The following MALRD1 variants were observed in gnomAD, a reference collection of about 807,000 sequenced individuals.
MALRD1 encodes MAM and LDL receptor class A domain containing 1.
MALRD1 carries 247 observed loss-of-function variants against 242.1 expected under a neutral mutation model. That is an observed-to-expected ratio of 1.02 (90% confidence interval 0.92 to 1.13). The LOEUF (loss-of-function observed/expected upper bound fraction) is 1.13, where lower values mean the gene tolerates loss of function less well. Among genes scored for constraint, MALRD1 ranks in the 50% most tolerant of loss-of-function variants. MALRD1 has a pLI of 0.00. For missense variants in MALRD1, 2,989 were observed against 2,533.1 expected, an observed-to-expected ratio of 1.18 and a Z score of -3.86; for synonymous variants, 995 against 866.6, an observed-to-expected ratio of 1.15 and a Z score of -2.60.
intron 1 of MALRD1, among the ~76,000 whole-genome samples, chr10:19,062,059 G>A (rs931732485): frequency 2.7e-5 from 4 of 149,166 alleles, no homozygotes; most frequent in African/African-American, 1.0e-4. Context: ...TAAAAAGAAC[G>A]ACAGCTCAAC....
At chr10:19,572,928 C>T (rs1020160371) in intron 33 of MALRD1, among the ~76,000 whole-genome samples, 1 of 152,218 alleles carries the variant, frequency 6.6e-6, no homozygotes, top group Non-Finnish European at 1.5e-5. Flanking sequence ...ATTCAGACTT[C>T]TGGCCTCCAC....
At chr10:19,667,715 G>C (rs1415671555) in intron 36 of MALRD1, among the ~76,000 whole-genome samples, 3 of 152,078 alleles carry the variant, frequency 2.0e-5, no homozygotes, top group Non-Finnish European at 4.4e-5. Flanking sequence ...TTCACCAGAA[G>C]CTGAGCAGAT....
In MALRD1 at chr10:19,136,554, T is replaced by C; in HGVS notation, c.1204-20T>C. 1 of 1,209,454 alleles carries C rather than the reference T, an allele frequency of 8.3e-7. No individual in the cohort carries two copies. The highest frequency in any genetic ancestry group is 1.0e-6 in the Non-Finnish European group (1 of 967,536). 74.9% of individuals were successfully genotyped at this position (1,209,454 alleles called of 1,614,324 possible). Reference sequence around the variant, plus strand: ...TTAAGGAGATTGCAAACTCATAAATTAATCTTTTCCTTCCTAAAGATTATT... The same window carrying C: ...TTAAGGAGATTGCAAACTCATAAATCAATCTTTTCCTTCCTAAAGATTATT... On this transcript the variant is annotated intron_variant, in intron 9 of 39. Transcript: ENST00000454679.
intron 11 of MALRD1, among the ~76,000 whole-genome samples, chr10:19,153,725 T>G (rs1834026466): frequency 6.6e-6 from 1 of 151,924 alleles, no homozygotes; most frequent in African/African-American, 2.4e-5. Context: ...TAAATTTAAC[T>G]CAGATGTGGG....
At chr10:19,427,011 G>A (rs576514639) in intron 28 of MALRD1, among the ~76,000 whole-genome samples, 3 of 152,170 alleles carry the variant, frequency 2.0e-5, no homozygotes, top group South Asian at 2.1e-4. Flanking sequence ...GAAGAATGTC[G>A]ATGCTGACAC....
At chr10:19,531,064 A>G (rs1834391250) in intron 31 of MALRD1, 130 bp from the exon 32 acceptor site, 1 of 750,620 alleles carries the variant, frequency 1.3e-6, no homozygotes, top group Non-Finnish European at 2.0e-6. Flanking sequence ...TGACTCCCAA[A>G]ATCAAAATGA....
chr10:19,060,143 T>C (rs1365084115), intron 1 of MALRD1, among the ~76,000 whole-genome samples: 1 of 152,146 alleles, frequency 6.6e-6, no homozygotes, highest in Non-Finnish European at 1.5e-5. Context: ...GTGTCTGGGC[T>C]CTCTTTTGTG....
At position 19,209,580 on chromosome 10, in the gene MALRD1, G is replaced by C. The variant is rs911114582; in HGVS notation, c.2891G>C (p.Trp964Ser). The change falls in exon 18 of 40, where the codon TGG (tryptophan) becomes TCG (serine). Residue 964 changes from tryptophan (W) to serine (S), a missense_variant. By Grantham distance (177) the Trp-to-Ser change is radical (BLOSUM62 -3). Transcript: ENST00000454679. ...AGGTTGGCAATCTACCAACGAATCT[G>C]GAGTGACTCAAGGGGACAGCTGCTG... ...IYRLAIYQRIWSDSRGQLLWQ... is the reference protein window; with the variant it reads ...IYRLAIYQRISSDSRGQLLWQ... 1 of 1,550,890 alleles carries C rather than the reference G, an allele frequency of 6.4e-7. No individual in the cohort carries two copies. The highest frequency in any genetic ancestry group is 8.7e-7 in the Non-Finnish European group (1 of 1,147,056).
intron 36 of MALRD1, among the ~76,000 whole-genome samples, chr10:19,667,516 T>C (rs1457250260): frequency 6.6e-6 from 1 of 152,080 alleles, no homozygotes; most frequent in African/African-American, 2.4e-5. Context: ...GACAGATTCT[T>C]TGTGGCTTGG....
At chr10:19,204,830 A>G in intron 16 of MALRD1, 68 bp from the exon 17 acceptor site, 2 of 1,423,830 alleles carry the variant, frequency 1.4e-6, no homozygotes, top group South Asian at 3.0e-5. Context: ...TGAGTAGAAA[A>G]ATCTAAAGGT....
chr10:19,595,432 C>T lies in MALRD1; in HGVS notation c.5919C>T (p.His1973=). The stretch of plus-strand genomic sequence containing the variant: ...TATGCGATGGAGTGCCCGACTGCCA[C>T]TTTAATGAAGATGAGCTCATCTGCT... The part of the protein sequence containing the change: ...LLLCDGVPDC[H]FNEDELICSN... Residue 1973 remains histidine, a synonymous_variant, in exon 34 of 40, where the codon CAC becomes CAT. Transcript: ENST00000454679. 1.9e-6 allele frequency: 3 copies of T among 1,550,188 alleles called. No individual in the cohort carries two copies. The highest frequency in any genetic ancestry group is 2.4e-5 in the South Asian group (2 of 84,040).
chr10:19,271,198 C>T (rs543957716), intron 19 of MALRD1, among the ~76,000 whole-genome samples: 17 of 152,174 alleles, frequency 1.1e-4, no homozygotes, highest in African/African-American at 3.4e-4. Flanking sequence ...AAATCATTAA[C>T]GGTAGAATGG....
chr10:19,608,101 GC>G (rs1431884863), intron 35 of MALRD1, among the ~76,000 whole-genome samples, 199 bp downstream of exon 35: 1 of 151,958 alleles, frequency 6.6e-6, no homozygotes, highest in Non-Finnish European at 1.5e-5. Flanking sequence ...ATGGGCTCAT[GC>G]TAGTTCTACA....
At chr10:19,423,389 AT>A (rs1833785924) in intron 28 of MALRD1, among the ~76,000 whole-genome samples, 1 of 152,020 alleles carries the variant, frequency 6.6e-6, no homozygotes, top group Non-Finnish European at 1.5e-5. Context: ...GAAGCTTATT[AT>A]TAAATAAATA....
At chr10:19,691,485 T>C (rs1842817980) in intron 36 of MALRD1, among the ~76,000 whole-genome samples, 2 of 152,118 alleles carry the variant, frequency 1.3e-5, no homozygotes, top group South Asian at 2.1e-4. Context: ...TTTTGTAGCA[T>C]GTACTGTGAA....
chr10:19,174,381 A>G (rs752595792), intron 13 of MALRD1, among the ~76,000 whole-genome samples: 1 of 152,164 alleles, frequency 6.6e-6, no homozygotes, highest in African/African-American at 2.4e-5. Context: ...ATTTTGAGAT[A>G]GCATGTTCTG....
At chr10:19,613,386 T>C (rs1838990632) in intron 35 of MALRD1, among the ~76,000 whole-genome samples, 2 of 151,928 alleles carry the variant, frequency 1.3e-5, no homozygotes, top group Non-Finnish European at 2.9e-5. Flanking sequence ...ATCTTAATTC[T>C]CCATAAATCC....
chr10:19,608,521 C>T (rs1838741704), intron 35 of MALRD1, among the ~76,000 whole-genome samples: 1 of 151,568 alleles, frequency 6.6e-6, no homozygotes, highest in South Asian at 2.1e-4. Context: ...TTTTTTATTT[C>T]ACATGGATGA....
At chr10:19,432,699 AC>A (rs1834187048) in intron 28 of MALRD1, among the ~76,000 whole-genome samples, 2 of 152,230 alleles carry the variant, frequency 1.3e-5, no homozygotes, top group African/African-American at 4.8e-5. Context: ...AGTTGATTCA[AC>A]ATGAATAAGA....
Sources: gnomAD v4.1 joint callset for allele counts (sites outside exome capture counted in the v4.1 genomes callset) on GRCh38, gnomAD v4.1.1 for gene constraint, MANE v1.5 for transcripts, NCBI Gene and HGNC (gene_info 2026-07-23, HGNC 2026-07-21) for gene names.